The following NPAS2 variants were observed in gnomAD, a reference collection of about 807,000 sequenced individuals.
NPAS2 encodes neuronal PAS domain protein 2, also known as neuronal PAS domain-containing protein 2.
In NPAS2, 23 loss-of-function variants were observed where a neutral mutation model predicts 107.5. That is an observed-to-expected ratio of 0.21 (90% CI 0.15 to 0.30). NPAS2 has a LOEUF of 0.30. Among genes scored for constraint, NPAS2 ranks in the 10% least tolerant of loss-of-function variants. The pLI is 1.00. For synonymous variants in NPAS2, 403 were observed against 417.5 expected (o/e 0.97, Z 0.42); for missense variants, 756 against 1,043.3 (o/e 0.72, Z 3.79).
upstream of NPAS2, among the ~76,000 whole-genome samples, chr2:100,819,411 C>T (rs1427978815): frequency 3.3e-5 from 5 of 152,290 alleles, no homozygotes; most frequent in African/African-American, 1.2e-4. The surrounding 1 kb of genome is among the most constrained non-coding windows in gnomAD (Gnocchi z 5.8). Context: ...TTATTCCTCC[C>T]CAGCAGTCGC....
chr2:100,969,394 C>G (rs1444770490), intron 11 of NPAS2, among the ~76,000 whole-genome samples: 5 of 152,168 alleles, frequency 3.3e-5, no homozygotes, highest in Non-Finnish European at 7.4e-5. Flanking sequence ...TGATGTTCCC[C>G]TCCCTGTGTC....
chr2:100,880,359 G>A (rs550703050), intron 1 of NPAS2, among the ~76,000 whole-genome samples: 1 of 152,308 alleles, frequency 6.6e-6, no homozygotes, highest in Non-Finnish European at 1.5e-5. Context: ...ATTCATAATA[G>A]CCAAAATATG....
chr2:100,914,935 T>A (rs1039593515), intron 2 of NPAS2, among the ~76,000 whole-genome samples: 6 of 152,150 alleles, frequency 3.9e-5, no homozygotes, highest in African/African-American at 1.2e-4. Flanking sequence ...TTTTTTCCCC[T>A]GTAATATCTC....
At chr2:100,899,349 A>G (rs575762754) in intron 1 of NPAS2, among the ~76,000 whole-genome samples, 1 of 150,296 alleles carries the variant, frequency 6.7e-6, no homozygotes, top group African/African-American at 2.5e-5. Context: ...TCACCCTCCC[A>G]AGTAGCTGGG....
intron 7 of NPAS2, among the ~76,000 whole-genome samples, chr2:100,960,611 T>G (rs975261203): frequency 6.6e-6 from 1 of 152,046 alleles, no homozygotes; most frequent in Non-Finnish European, 1.5e-5. Context: ...AGTGTTAATG[T>G]ATCAGTCGGG....
chr2:100,826,353 A>G (rs1474628979), intron 1 of NPAS2, among the ~76,000 whole-genome samples: 1 of 152,204 alleles, frequency 6.6e-6, no homozygotes, highest in African/African-American at 2.4e-5. Context: ...GAGGCAGGAG[A>G]ATCACTTGAA....
intron 10 of NPAS2, among the ~76,000 whole-genome samples, chr2:100,967,350 G>C (rs1019476142): frequency 1.2e-3 from 168 of 138,004 alleles, no homozygotes; most frequent in African/African-American, 4.6e-3. Context: ...CCTCAGCCTC[G>C]TGAGTAGCTG....
chr2:100,904,264 C>T (rs1272766799), intron 1 of NPAS2, among the ~76,000 whole-genome samples: 2 of 152,122 alleles, frequency 1.3e-5, no homozygotes, highest in Admixed American at 6.5e-5. Flanking sequence ...GAGGTGCGTG[C>T]GACCTAAGGC....
chr2:100,873,029 G>A (rs1679673039), intron 1 of NPAS2, among the ~76,000 whole-genome samples: 2 of 151,664 alleles, frequency 1.3e-5, no homozygotes, highest in South Asian at 2.1e-4. Flanking sequence ...CTGGCCAGGC[G>A]CAGTGTCTCA....
At chr2:100,884,799 G>A (rs1272724154) in intron 1 of NPAS2, among the ~76,000 whole-genome samples, 1 of 152,022 alleles carries the variant, frequency 6.6e-6, no homozygotes, top group African/African-American at 2.4e-5. Flanking sequence ...TAAGAGTATA[G>A]GTAAAGAAGG....
At chr2:100,962,889 C>T (rs901147778) in intron 7 of NPAS2, 15 of 152,308 alleles carry the variant, frequency 9.8e-5, no homozygotes, top group African/African-American at 3.4e-4. Context: ...ACAGTCCCCC[C>T]TCTGCCCTGT....
At chr2:100,975,616 TG>T in intron 14 of NPAS2, 49 bp downstream of exon 14, 2 of 1,393,030 alleles carry the variant, frequency 1.4e-6, no homozygotes, top group South Asian at 1.3e-5. Context: ...TACAATGTGG[TG>T]GGGGCTGCAG....
upstream of NPAS2, among the ~76,000 whole-genome samples, chr2:100,819,687 G>A (rs192981845): frequency 1.3e-5 from 2 of 152,300 alleles, no homozygotes; most frequent in Admixed American, 6.5e-5. The surrounding 1 kb of genome is among the most constrained non-coding windows in gnomAD (Gnocchi z 5.8). Flanking sequence ...CTAGGCGGGG[G>A]CGGCAGATTC....
chr2:100,971,316 A>AAAC (rs1378648003), intron 12 of NPAS2, among the ~76,000 whole-genome samples: 1 of 151,074 alleles, frequency 6.6e-6, no homozygotes, highest in African/African-American at 2.4e-5. Flanking sequence ...AAAAAAAAAA[A>AAAC]AAGAGCCTGC....
chr2:100,975,773 AT>A, intron 14 of NPAS2: 1 of 468,218 alleles, frequency 2.1e-6, no homozygotes, highest in Non-Finnish European at 3.8e-6. Flanking sequence ...ATGGATGCAT[AT>A]CCATTAGAAT....
At chr2:100,860,621 A>G (rs536202343) in intron 1 of NPAS2, among the ~76,000 whole-genome samples, 1 of 152,158 alleles carries the variant, frequency 6.6e-6, no homozygotes, top group South Asian at 2.1e-4. Flanking sequence ...TTGAAGGAGG[A>G]GCTTTCCTTC....
At chr2:100,885,616 T>C (rs1181074343) in intron 1 of NPAS2, among the ~76,000 whole-genome samples, 3 of 152,228 alleles carry the variant, frequency 2.0e-5, no homozygotes, top group Admixed American at 2.0e-4. Context: ...GAACGTTCTT[T>C]GTGATAATGC....
chr2:100,912,249 TTTATTTA>T (rs146838282), intron 2 of NPAS2, among the ~76,000 whole-genome samples: 28,853 of 113,068 alleles, frequency 0.26, 3,204 homozygotes, highest in South Asian at 0.34. Context: ...TATTTATTTA[TTTATTTA>T]TTATTATTAT....
chr2:100,964,544 T>C (rs972196856), intron 8 of NPAS2, among the ~76,000 whole-genome samples: 1 of 152,230 alleles, frequency 6.6e-6, no homozygotes, highest in Non-Finnish European at 1.5e-5. Context: ...TCAACATCGA[T>C]GGCATGAATG....
Sources: gnomAD v4.1 joint callset for allele counts (sites outside exome capture counted in the v4.1 genomes callset) on GRCh38, gnomAD v4.1.1 for gene constraint, Gnocchi (gnomAD v3.1) non-coding constraint, MANE v1.5 for transcripts, NCBI Gene and HGNC (gene_info 2026-07-23, HGNC 2026-07-21) for gene names.